The following ELMOD3 variants were observed in gnomAD, a reference collection of about 807,000 sequenced individuals.
ELMOD3 encodes ELMO domain containing 3.
A neutral mutation model predicts 47.4 loss-of-function variants in ELMOD3; 36 were observed. The observed-to-expected ratio is 0.76, with a 90% confidence interval of 0.58 to 1.00. The LOEUF (loss-of-function observed/expected upper bound fraction) is 1.00. ELMOD3 is among the 50% of genes least tolerant of loss of function. The pLI is 0.00. For synonymous variants in ELMOD3, 149 were observed against 183.5 expected (o/e 0.81, Z 1.52); for missense variants, 404 against 463.8 (o/e 0.87, Z 1.18).
Position 85,357,262 on chromosome 2 carries a change from C to T in ELMOD3, c.54+10C>T, listed in dbSNP as rs1172878991. The stretch of plus-strand genomic sequence containing the variant: ...ATTAAGAGATGGACAGGTAAGCATG[C>T]ACTCTTATTTGGGAAAGGTGGTGTT... On this transcript the variant is annotated intron_variant, in intron 4 of 13. Coordinates refer to ENST00000409013, the MANE Select transcript of ELMOD3 (RefSeq NM_001135022.2). 21 of 1,570,580 alleles carry T rather than the reference C, an allele frequency of 1.3e-5. No homozygotes were observed. The highest frequency in any genetic ancestry group is 1.6e-5 in the Non-Finnish European group (18 of 1,144,816).
chr2:85,369,650 C>A, intron 7 of ELMOD3, 89 bp from the exon 8 acceptor site: 1 of 1,396,568 alleles, frequency 7.2e-7, no homozygotes. Context: ...CAGTGCTTGG[C>A]TTGGAAGTGA....
chr2:85,391,163 C>T lies in ELMOD3; in HGVS notation c.*201C>T, dbSNP rs775079981. On this transcript the variant is annotated 3_prime_UTR_variant, in exon 14 of 14. Coordinates refer to ENST00000409013, the MANE Select transcript of ELMOD3 (RefSeq NM_001135022.2). ...GGGCAGCTAGACTTCACCCCCTTCC[C>T]GCAGACCTGCCTCCAGAGCAAGGAG... 140 of 582,830 alleles carry T rather than the reference C, an allele frequency of 2.4e-4. No individual in the cohort carries two copies. The highest frequency in any genetic ancestry group is 3.5e-4 in the Non-Finnish European group (115 of 325,786). The allele number at this position is 582,830 out of a possible 1,614,324, so 36.1% of individuals were successfully genotyped here.
intron 8 of ELMOD3, among the ~76,000 whole-genome samples, 200 bp downstream of exon 8, chr2:85,370,030 G>A (rs1021596219): frequency 2.6e-5 from 4 of 152,108 alleles, no homozygotes; most frequent in Non-Finnish European, 4.4e-5. Context: ...AGCTCCTGTA[G>A]CCCTGTCATT....
intron 5 of ELMOD3, 46 bp downstream of exon 5, chr2:85,362,306 G>A (rs1246061275): frequency 8.9e-7 from 1 of 1,128,730 alleles, no homozygotes. Context: ...GGCTTTTGTT[G>A]TGTGTTACTG....
chr2:85,363,361 G>A (rs1328618286), intron 6 of ELMOD3, among the ~76,000 whole-genome samples, 195 bp downstream of exon 6: 1 of 152,230 alleles, frequency 6.6e-6, no homozygotes, highest in Admixed American at 6.5e-5. Flanking sequence ...TCCTCTGCTA[G>A]TGGTTTACTG....
chr2:85,366,090 C>G (rs550869402), intron 6 of ELMOD3, among the ~76,000 whole-genome samples: 1 of 151,650 alleles, frequency 6.6e-6, no homozygotes, highest in South Asian at 2.1e-4. Flanking sequence ...TCCCAAGTAG[C>G]TGGGATTACA....
intron 10 of ELMOD3, among the ~76,000 whole-genome samples, chr2:85,373,840 G>GA (rs34188613): frequency 0.11 from 12,579 of 115,512 alleles, 601 homozygotes; most frequent in South Asian, 0.18. Context: ...CTTCGTCTCA[G>GA]AAAAAAAAAA....
At chr2:85,378,105 T>C (rs1685300665) in intron 11 of ELMOD3, among the ~76,000 whole-genome samples, 1 of 152,228 alleles carries the variant, frequency 6.6e-6, no homozygotes. Flanking sequence ...CCAGGGCAAA[T>C]ATTTAGGCTA....
intron 11 of ELMOD3, 86 bp downstream of exon 11, chr2:85,377,560 G>C (rs1270996347): frequency 7.1e-7 from 1 of 1,409,694 alleles, no homozygotes; most frequent in African/African-American, 1.5e-5. Context: ...GGACAGCTGA[G>C]ATAAACCAGG....
At chr2:85,356,204 GCA>G (rs1683547216) in intron 3 of ELMOD3, 1 of 152,284 alleles carries the variant, frequency 6.6e-6, no homozygotes, top group Admixed American at 6.5e-5. Flanking sequence ...GCTGCCACAT[GCA>G]CAGTATTGCT....
At chr2:85,356,489 C>G (rs1683574160) in intron 3 of ELMOD3, 2 of 152,318 alleles carry the variant, frequency 1.3e-5, no homozygotes, top group African/African-American at 4.8e-5. Context: ...TCACAGTCCC[C>G]TGTGTGGTCC....
At chr2:85,358,304 A>G (rs928929304) in intron 4 of ELMOD3, among the ~76,000 whole-genome samples, 3 of 151,760 alleles carry the variant, frequency 2.0e-5, no homozygotes, top group Admixed American at 6.6e-5. Flanking sequence ...AAAAAATGAA[A>G]AAAGAAATAT....
chr2:85,379,274 A>T (rs1685387841), intron 11 of ELMOD3, among the ~76,000 whole-genome samples: 1 of 152,212 alleles, frequency 6.6e-6, no homozygotes, highest in African/African-American at 2.4e-5. Context: ...CAGTGGCGCG[A>T]TAGCACACTG....
intron 10 of ELMOD3, among the ~76,000 whole-genome samples, chr2:85,373,520 T>A (rs7596381): frequency 1 from 151,683 of 152,256 alleles, 75,556 homozygotes; most frequent in East Asian, 1. Context: ...CACTGCAATA[T>A]ACATAATTTC....
intron 10 of ELMOD3, 117 bp downstream of exon 10, chr2:85,371,679 G>C: frequency 1.4e-6 from 2 of 1,454,398 alleles, no homozygotes; most frequent in South Asian, 2.6e-5. Flanking sequence ...GGAGTATTCC[G>C]GGAAGAGGGT....
chr2:85,391,197 C>G lies in ELMOD3; in HGVS notation c.*235C>G, dbSNP rs1686331588. The G allele has an allele frequency of 5.7e-6, 3 of 524,718 alleles. No individual in the cohort carries two copies. The highest frequency in any genetic ancestry group is 3.3e-5 in the Admixed American group (1 of 30,062). The allele number at this position is 524,718 out of a possible 1,614,324, so 32.5% of individuals were successfully genotyped here. A position where few individuals can be genotyped will look rare whatever the true frequency, so the allele number is the denominator to read the frequency against. On this transcript the variant is annotated 3_prime_UTR_variant, in exon 14 of 14. Coordinates refer to ENST00000409013, the MANE Select transcript of ELMOD3 (RefSeq NM_001135022.2). ...GCCTCCAGAGCAAGGAGAATTCTGCCTTAATCTGTTGGGCTCCAGTCTCCG... is the reference window on the plus strand; with the variant it reads ...GCCTCCAGAGCAAGGAGAATTCTGCGTTAATCTGTTGGGCTCCAGTCTCCG...
At chr2:85,371,831 C>T (rs548598133) in intron 10 of ELMOD3, 9 of 332,488 alleles carry the variant, frequency 2.7e-5, no homozygotes, top group Admixed American at 2.6e-4. Context: ...GTCCTGAGTT[C>T]GAGACCAGCC....
At chr2:85,379,039 T>A (rs1188428308) in intron 11 of ELMOD3, among the ~76,000 whole-genome samples, 2 of 152,194 alleles carry the variant, frequency 1.3e-5, no homozygotes, top group Non-Finnish European at 2.9e-5. Context: ...TAGGCAGGTA[T>A]GAAAGTGGCT....
At chr2:85,372,990 C>G (rs775514867) in intron 10 of ELMOD3, 1 of 151,662 alleles carries the variant, frequency 6.6e-6, no homozygotes, top group African/African-American at 2.4e-5. Flanking sequence ...TGCTATGGCT[C>G]ACTCCTGTAA....
Sources: gnomAD v4.1 joint callset for allele counts (sites outside exome capture counted in the v4.1 genomes callset) on GRCh38, gnomAD v4.1.1 for gene constraint, MANE v1.5 for transcripts, NCBI Gene and HGNC (gene_info 2026-07-23, HGNC 2026-07-21) for gene names.